Variants in GALNTL6 observed in about 807,000 individuals in gnomAD.
GALNTL6 encodes the protein polypeptide N-acetylgalactosaminyltransferase-like 6.
In GALNTL6, 46 loss-of-function variants were observed where a neutral mutation model predicts 73.7. The ratio of observed to expected loss-of-function variants is 0.62; its 90% CI spans 0.49 to 0.80. The LOEUF (loss-of-function observed/expected upper bound fraction) is 0.80. Ranked by LOEUF, GALNTL6 falls within the 30% of genes least tolerant of loss-of-function variation. The pLI, the probability that GALNTL6 is intolerant of heterozygous loss-of-function variation, is 0.00. For synonymous variants in GALNTL6, 259 were observed against 263.7 expected, an observed-to-expected ratio of 0.98 and a Z score of 0.17; for missense variants, 604 against 755.0, an observed-to-expected ratio of 0.80 and a Z score of 2.34.
chr4:172,025,243 G>C (rs563668790), intron 2 of GALNTL6, among the ~76,000 whole-genome samples: 1 of 152,122 alleles, frequency 6.6e-6, no homozygotes, highest in South Asian at 2.1e-4. Flanking sequence ...TGGATGTCAA[G>C]TATTTAGAGT....
chr4:172,904,428 A>T (rs541195194), intron 8 of GALNTL6, among the ~76,000 whole-genome samples: 1 of 152,206 alleles, frequency 6.6e-6, no homozygotes, highest in Non-Finnish European at 1.5e-5. Context: ...CTGCCTTTGC[A>T]TGGAGGTTAA....
At chr4:172,888,634 G>C (rs1745855023) in intron 8 of GALNTL6, among the ~76,000 whole-genome samples, 1 of 152,140 alleles carries the variant, frequency 6.6e-6, no homozygotes. Context: ...TTTCGTACCA[G>C]TACCCTCCTG....
chr4:172,284,779 C>T (rs1458444522), intron 3 of GALNTL6, among the ~76,000 whole-genome samples: 1 of 152,104 alleles, frequency 6.6e-6, no homozygotes. Context: ...CTGACTCTGC[C>T]AAAGATCAGC....
At chr4:172,971,082 A>T (rs1750558885) in intron 10 of GALNTL6, among the ~76,000 whole-genome samples, 1 of 152,168 alleles carries the variant, frequency 6.6e-6, no homozygotes, top group Non-Finnish European at 1.5e-5. Context: ...TCCTGCAACA[A>T]TCACAGGAGT....
At chr4:172,472,836 A>G (rs1187560109) in intron 5 of GALNTL6, among the ~76,000 whole-genome samples, 1 of 152,052 alleles carries the variant, frequency 6.6e-6, no homozygotes, top group Non-Finnish European at 1.5e-5. Context: ...CATGTCATGC[A>G]CTCCTGGCCC....
chr4:172,335,444 T>C lies in GALNTL6; in HGVS notation c.387-13079T>C, dbSNP rs78101867. Among the ~76,000 whole-genome samples, 1,463 of 152,308 alleles carry C rather than the reference T, an allele frequency of 9.6e-3. 24 individuals carry two copies. Among genetic ancestry groups the C allele is most frequent in the African/African-American group, 0.033 (1,388 of 41,570 alleles). ...TTGCCAGATTTAGGTATCAAGGTGA[T>C]GCTAGCTCGCTTTGTAGAATGAGTT... On this transcript the variant is annotated intron_variant, in intron 4 of 12. Transcript: ENST00000506823.
chr4:172,578,569 C>G (rs993100750), intron 5 of GALNTL6, among the ~76,000 whole-genome samples: 1 of 152,144 alleles, frequency 6.6e-6, no homozygotes, highest in Non-Finnish European at 1.5e-5. Context: ...ATAGCAGTGG[C>G]CTCTTGGGTG....
chr4:171,994,226 C>A (rs1368653643), intron 2 of GALNTL6, among the ~76,000 whole-genome samples: 1 of 152,052 alleles, frequency 6.6e-6, no homozygotes, highest in Non-Finnish European at 1.5e-5. Flanking sequence ...AGACCACACC[C>A]AGACTGTTGG....
intron 2 of GALNTL6, among the ~76,000 whole-genome samples, chr4:172,131,420 TATATATATAC>T (rs1047938257): frequency 1.0e-5 from 1 of 99,408 alleles, no homozygotes; most frequent in African/African-American, 3.9e-5. Context: ...TATATATATA[TATATATATAC>T]ACACACACAC....
At chr4:172,425,727 C>A (rs936064554) in intron 5 of GALNTL6, among the ~76,000 whole-genome samples, 2 of 151,726 alleles carry the variant, frequency 1.3e-5, no homozygotes, top group Admixed American at 6.6e-5. Context: ...ACATCAGAGA[C>A]CTTATTAAGT....
At chr4:172,952,862 G>A (rs1749526446) in intron 10 of GALNTL6, among the ~76,000 whole-genome samples, 1 of 152,112 alleles carries the variant, frequency 6.6e-6, no homozygotes, top group Admixed American at 6.5e-5. Context: ...TTGAGATTAG[G>A]GAAATCACCA....
At position 172,341,437 on chromosome 4, in the gene GALNTL6, C is replaced by T. The variant is rs376282177; in HGVS notation, c.387-7086C>T. 5.8e-3 allele frequency among the ~76,000 whole-genome samples: 654 copies of T among 112,562 alleles called. 6 individuals carry two copies. The highest frequency in any genetic ancestry group is 0.022 in the African/African-American group (579 of 26,396). The allele number at this position is 112,562 out of a possible 152,430, so 73.8% of individuals were successfully genotyped here. A position where few individuals can be genotyped will look rare whatever the true frequency, so the allele number is the denominator to read the frequency against. On this transcript the variant is annotated intron_variant, in intron 4 of 12. Coordinates refer to ENST00000506823, the MANE Select transcript of GALNTL6 (RefSeq NM_001034845.3). ...CTGCACTCCAGCCTGGGCGACAGAG[C>T]GAGACTCCGTCTCAAAAAAAAAAAA...
Position 172,521,764 on chromosome 4 carries a change from G to A in GALNTL6, c.553+173075G>A, listed in dbSNP as rs17058593. The stretch of plus-strand genomic sequence containing the variant: ...ATTAAATCTATTTCAAATATCCAGA[G>A]AAATGGCAGCTAAGCAGACAATGGA... On this transcript the variant is annotated intron_variant, in intron 5 of 12. Transcript: ENST00000506823. Among the ~76,000 whole-genome samples the A allele has an allele frequency of 8.4e-3, 1,274 of 152,248 alleles. 10 individuals are homozygous for A. Among genetic ancestry groups the A allele is most frequent in the African/African-American group, 0.029 (1,207 of 41,552 alleles).
At chr4:172,902,222 C>A (rs2111242270) in intron 8 of GALNTL6, among the ~76,000 whole-genome samples, 1 of 152,184 alleles carries the variant, frequency 6.6e-6, no homozygotes, top group East Asian at 1.9e-4. Flanking sequence ...AAAACCACCA[C>A]AAGTCTCTAA....
intron 5 of GALNTL6, among the ~76,000 whole-genome samples, chr4:172,563,464 GA>G (rs1736450094): frequency 6.6e-6 from 1 of 152,130 alleles, no homozygotes; most frequent in Non-Finnish European, 1.5e-5. Flanking sequence ...CTCACATTTT[GA>G]AAAATGTCAT....
chr4:173,021,986 T>C, intron 12 of GALNTL6, among the ~76,000 whole-genome samples: 1 of 138,394 alleles, frequency 7.2e-6, no homozygotes, highest in South Asian at 2.2e-4. Context: ...AGGGCAAGAC[T>C]CTGTTAAGAA....
chr4:172,683,762 T>C (rs572200946), intron 5 of GALNTL6, among the ~76,000 whole-genome samples: 4 of 152,222 alleles, frequency 2.6e-5, no homozygotes, highest in Non-Finnish European at 4.4e-5. Flanking sequence ...GTTAGTGAGA[T>C]ACTATTCACA....
rs547333658 is a variant in GALNTL6, at chr4:172,146,391, C to CA, written c.139-83258dup. ...AGAAAAGAAATATAAAAGGCAAAAA[C>CA]AAAAAAATCACCTGTAAACTTTATG... On this transcript the variant is annotated intron_variant, in intron 2 of 12. Coordinates refer to ENST00000506823, the MANE Select transcript of GALNTL6 (RefSeq NM_001034845.3). Among the ~76,000 whole-genome samples the CA allele has an allele frequency of 1.1e-4, 16 of 152,140 alleles. No homozygotes were observed. In the East Asian group the frequency reaches 2.5e-3, roughly 24 times the overall value.
chr4:172,495,073 G>A (rs190274967), intron 5 of GALNTL6, among the ~76,000 whole-genome samples: 53 of 152,242 alleles, frequency 3.5e-4, no homozygotes, highest in African/African-American at 1.0e-3. Flanking sequence ...ACAGAATTCA[G>A]GAATCCTAGG....
Sources: gnomAD v4.1 joint callset for allele counts (sites outside exome capture counted in the v4.1 genomes callset) on GRCh38, gnomAD v4.1.1 for gene constraint, MANE v1.5 for transcripts, NCBI Gene and HGNC (gene_info 2026-07-23, HGNC 2026-07-21) for gene names.